DLG2: variants seen among roughly 807,000 people sequenced by gnomAD.
DLG2 encodes discs large MAGUK scaffold protein 2.
In DLG2, 45 loss-of-function variants were observed where a neutral mutation model predicts 132.5. That is an observed-to-expected ratio of 0.34 (90% CI 0.27 to 0.44). The LOEUF (loss-of-function observed/expected upper bound fraction) is 0.44. Ranked by LOEUF, DLG2 falls within the 20% of genes least tolerant of loss-of-function variation. The probability of loss-of-function intolerance (pLI) is 1.00; values close to 1 mark genes in which losing one functional copy is unlikely to be tolerated. For synonymous variants in DLG2, 424 were observed against 419.6 expected, an observed-to-expected ratio of 1.01 and a Z score of -0.13; for missense variants, 1,045 against 1,196.9, an observed-to-expected ratio of 0.87 and a Z score of 1.87.
intron 11 of DLG2, among the ~76,000 whole-genome samples, chr11:84,049,096 G>A (rs765402100): frequency 6.6e-6 from 1 of 150,662 alleles, no homozygotes; most frequent in African/African-American, 2.4e-5. Context: ...GGCCATATGG[G>A]CATCAGAAAA....
chr11:85,117,133 G>A (rs541083054), intron 5 of DLG2, among the ~76,000 whole-genome samples: 1 of 152,152 alleles, frequency 6.6e-6, no homozygotes, highest in African/African-American at 2.4e-5. Flanking sequence ...TGGAGCCATT[G>A]TAACACCTGT....
At chr11:85,174,120 CCTGATAGGTAT>C (rs1449069964) in intron 4 of DLG2, among the ~76,000 whole-genome samples, 1 of 152,072 alleles carries the variant, frequency 6.6e-6, no homozygotes, top group Non-Finnish European at 1.5e-5. Context: ...ATCAAGTGGA[CCTGATAGGTAT>C]CTACAGAACT....
intron 6 of DLG2, among the ~76,000 whole-genome samples, chr11:84,867,686 T>G (rs910370067): frequency 6.6e-6 from 1 of 152,182 alleles, no homozygotes; most frequent in African/African-American, 2.4e-5. Context: ...AGGACTAACA[T>G]GGGCATCAAG....
chr11:83,868,713 A>G (rs1241192571), intron 16 of DLG2, among the ~76,000 whole-genome samples: 3 of 150,420 alleles, frequency 2.0e-5, no homozygotes, highest in African/African-American at 7.3e-5. Flanking sequence ...GACCCTAGCA[A>G]CTAACAGCTT....
chr11:83,557,577 T>C (rs2096541494), intron 19 of DLG2, among the ~76,000 whole-genome samples: 1 of 152,240 alleles, frequency 6.6e-6, no homozygotes, highest in Non-Finnish European at 1.5e-5. Context: ...GCTTCCTGTC[T>C]TGAATCAAAG....
rs554385941 is a variant in DLG2, at chr11:85,059,390, A to C, written c.357+52271T>G. ...TACAGTTAAACATATGCTTATTCTAAGATCTAGCAATTGTACTACCAGTTG... is the reference window on the plus strand; with the variant it reads ...TACAGTTAAACATATGCTTATTCTACGATCTAGCAATTGTACTACCAGTTG... On this transcript the variant is annotated intron_variant, in intron 6 of 27. Coordinates refer to ENST00000376104, the MANE Select transcript of DLG2 (RefSeq NM_001142699.3). Among the ~76,000 whole-genome samples the C allele has an allele frequency of 1.5e-4, 22 of 151,708 alleles. No individual in the cohort carries two copies. In the South Asian group the frequency reaches 4.4e-3, roughly 30 times the overall value.
chr11:84,955,113 G>T (rs2051470918), intron 6 of DLG2, among the ~76,000 whole-genome samples: 1 of 152,152 alleles, frequency 6.6e-6, no homozygotes, highest in Non-Finnish European at 1.5e-5. Flanking sequence ...TTGGCCTATG[G>T]ACTGTAGCTT....
At chr11:85,513,735 G>A (rs2094122108) in intron 3 of DLG2, among the ~76,000 whole-genome samples, 1 of 151,788 alleles carries the variant, frequency 6.6e-6, no homozygotes, top group South Asian at 2.1e-4. Flanking sequence ...TGGTCTTGCT[G>A]TCATGCCATT....
chr11:85,010,025 A>G (rs1452458627), intron 6 of DLG2, among the ~76,000 whole-genome samples: 2 of 152,074 alleles, frequency 1.3e-5, no homozygotes, highest in African/African-American at 4.8e-5. Flanking sequence ...GAACCTAGCC[A>G]TTGTTTTCAG....
intron 7 of DLG2, among the ~76,000 whole-genome samples, chr11:84,387,526 T>A (rs555392017): frequency 1.8e-4 from 28 of 152,252 alleles, no homozygotes; most frequent in African/African-American, 6.5e-4. Context: ...ATCTTTAATA[T>A]AGAAACATGT....
intron 6 of DLG2, among the ~76,000 whole-genome samples, chr11:84,835,659 T>C (rs1470802910): frequency 1.3e-5 from 2 of 151,898 alleles, no homozygotes; most frequent in African/African-American, 4.8e-5. Context: ...TACAGCTGGC[T>C]GTACTGGCTA....
At chr11:84,881,343 T>C (rs937946205) in intron 6 of DLG2, among the ~76,000 whole-genome samples, 38 of 152,246 alleles carry the variant, frequency 2.5e-4, no homozygotes, top group African/African-American at 8.7e-4. Flanking sequence ...TTTCATGAAT[T>C]TCTCTTTGCC....
chr11:84,727,238 T>G (rs1240094158), intron 6 of DLG2, among the ~76,000 whole-genome samples: 1 of 152,224 alleles, frequency 6.6e-6, no homozygotes. Context: ...GTCTTACATT[T>G]AAGTCTTTGA....
intron 19 of DLG2, among the ~76,000 whole-genome samples, chr11:83,564,585 T>C (rs1408874820): frequency 6.6e-6 from 1 of 152,214 alleles, no homozygotes; most frequent in Non-Finnish European, 1.5e-5. Flanking sequence ...CTGGCATCTA[T>C]GTTTTTGGGG....
At chr11:85,537,374 C>A (rs2075662874) in intron 3 of DLG2, among the ~76,000 whole-genome samples, 1 of 152,228 alleles carries the variant, frequency 6.6e-6, no homozygotes, top group Non-Finnish European at 1.5e-5. Flanking sequence ...CGCAATAAAT[C>A]TCGCTGCTGC....
intron 9 of DLG2, among the ~76,000 whole-genome samples, chr11:84,115,703 C>T (rs1349784786): frequency 6.6e-6 from 1 of 152,208 alleles, no homozygotes; most frequent in African/African-American, 2.4e-5. Flanking sequence ...GCGTTACCAC[C>T]TCAAAGGAGC....
intron 8 of DLG2, among the ~76,000 whole-genome samples, chr11:84,190,174 C>CAAAAAA (rs35162888): frequency 7.6e-6 from 1 of 132,080 alleles, no homozygotes; most frequent in African/African-American, 2.7e-5. Context: ...GTTAAGTAGT[C>CAAAAAA]AAAAAAAAAA....
At chr11:84,764,314 C>A (rs2068078375) in intron 6 of DLG2, among the ~76,000 whole-genome samples, 2 of 152,130 alleles carry the variant, frequency 1.3e-5, no homozygotes, top group African/African-American at 4.8e-5. Flanking sequence ...TATGACTCTA[C>A]TTGTCAAATA....
At chr11:85,044,516 G>C (rs569404879) in intron 6 of DLG2, among the ~76,000 whole-genome samples, 1 of 151,860 alleles carries the variant, frequency 6.6e-6, no homozygotes, top group African/African-American at 2.4e-5. Context: ...AACTTTCAGG[G>C]GTCAGGGTTT....
Sources: allele counts gnomAD v4.1 joint callset (sites outside exome capture counted in the v4.1 genomes callset), GRCh38; gene constraint gnomAD v4.1.1; transcripts MANE v1.5; gene names NCBI Gene and HGNC (gene_info 2026-07-23, HGNC 2026-07-21).